The following KCNJ13 variants were observed in gnomAD, a reference collection of about 807,000 sequenced individuals.
KCNJ13 encodes potassium inwardly rectifying channel subfamily J member 13.
Under a neutral mutation model 24.6 loss-of-function variants are expected in KCNJ13, and 9 were observed. The ratio of observed to expected loss-of-function variants is 0.37; its 90% confidence interval spans 0.22 to 0.64. KCNJ13 has a LOEUF of 0.64. Ranked by LOEUF, KCNJ13 falls within the 30% of genes least tolerant of loss-of-function variation. The pLI, the probability that KCNJ13 is intolerant of heterozygous loss-of-function variation, is 0.64. For synonymous variants in KCNJ13, 148 were observed against 154.7 expected, an observed-to-expected ratio of 0.96 and a Z score of 0.32; for missense variants, 337 against 443.8, an observed-to-expected ratio of 0.76 and a Z score of 2.16.
rs1574860488 is a variant in KCNJ13, at chr2:232,770,808, A to G, written c.460+95T>C. The G allele has an allele frequency of 3.7e-6, 3 of 809,964 alleles. No homozygotes were observed. The South Asian group carries it at 4.6e-5, about 13-fold the overall frequency. The allele number at this position is 809,964 out of a possible 1,614,324, so 50.2% of individuals were successfully genotyped here. A position where few individuals can be genotyped will look rare whatever the true frequency, so the allele number is the denominator to read the frequency against. ...TATAGATAAATTATTCTGTAACAGC[A>G]TTACTTATAACTGACTATACCCTTT... On this transcript the variant is annotated intron_variant, in intron 2 of 2. Transcript: ENST00000233826.
Position 232,766,963 on chromosome 2 carries a change from G to T in KCNJ13, c.*1228C>A, listed in dbSNP as rs887271781. On this transcript the variant is annotated 3_prime_UTR_variant, in exon 3 of 3. Transcript: ENST00000233826. ...TTTTTGGTTTTTGTTTTGTTTTAAGGACAGTTTCTCTTTTTTTTATTGAAA... is the reference window on the plus strand; with the variant it reads ...TTTTTGGTTTTTGTTTTGTTTTAAGTACAGTTTCTCTTTTTTTTATTGAAA... 28 of 152,096 alleles carry T rather than the reference G, an allele frequency of 1.8e-4. No individual in the cohort carries two copies. The highest frequency in any genetic ancestry group is 6.5e-4 in the African/African-American group (27 of 41,438). 9.4% of individuals were successfully genotyped at this position (152,096 alleles called of 1,614,324 possible).
Position 232,768,029 on chromosome 2 carries a change from T to G in KCNJ13, c.*162A>C. On this transcript the variant is annotated 3_prime_UTR_variant, in exon 3 of 3. Coordinates refer to ENST00000233826, the MANE Select transcript of KCNJ13 (RefSeq NM_002242.4). Reference sequence around the variant, plus strand: ...AATGTAGAGTGTTATGTTTCCAGAATGTGTATTGTTAGCTCAGCCATTCTT... The same window carrying G: ...AATGTAGAGTGTTATGTTTCCAGAAGGTGTATTGTTAGCTCAGCCATTCTT... 1.5e-6 allele frequency: 1 copy of G among 666,926 alleles called. No homozygotes were observed. Among genetic ancestry groups the G allele is most frequent in the East Asian group, 2.7e-5 (1 of 36,946 alleles). 41.3% of individuals were successfully genotyped at this position (666,926 alleles called of 1,614,324 possible).
rs1699062703 is a variant in KCNJ13, at chr2:232,768,319, C to T, written c.955G>A (p.Asp319Asn). The T allele has an allele frequency of 1.2e-6, 2 of 1,613,982 alleles. No individual in the cohort carries two copies. The highest frequency in any genetic ancestry group is 1.7e-6 in the Non-Finnish European group (2 of 1,180,006). The change falls in exon 3 of 3, where the codon GAC becomes AAC. Residue 319 changes from aspartate to asparagine, a missense_variant. By Grantham distance (23) the Asp-to-Asn change is conservative. This residue lies in a region of KCNJ13 where 235 missense variants were observed against 286.9 expected (regional missense o/e 0.82). Transcript: ENST00000233826. ...GTTGGAAATTCAGGGACAGTCTTGT[C>T]AAAATTCTCCATCTTGATTTGATAT... ...GEYQIKMENFDKTVPEFPTPL... is the reference protein window; with the variant it reads ...GEYQIKMENFNKTVPEFPTPL...
rs2106334923 is a variant in KCNJ13, at chr2:232,768,495, T to C, written c.779A>G (p.Glu260Gly). ...AACTAATTCAAAGTGAGAAGGATTT[T>C]CATGCTGGAGCAGAGTAGCCAGAGG... is the stretch of plus-strand genomic sequence containing the variant. Reference protein sequence around the residue: ...SSPLATLLQHENPSHFELVVF... With the variant: ...SSPLATLLQHGNPSHFELVVF... The change falls in exon 3 of 3, where the codon GAA becomes GGA. Residue 260 changes from glutamate (E) to glycine (G), a missense_variant. Glu to Gly is a moderately conservative substitution (Grantham distance 98). Around this residue, in one of 3 missense-constraint regions of KCNJ13, gnomAD observed 235 missense variants for 286.9 expected, o/e 0.82. Transcript: ENST00000233826. 1.2e-6 allele frequency: 2 copies of C among 1,614,200 alleles called. No individual in the cohort carries two copies. The highest frequency in any genetic ancestry group is 1.7e-6 in the Non-Finnish European group (2 of 1,180,024).
At position 232,768,022 on chromosome 2, in the gene KCNJ13, T is replaced by A. The variant is rs1239195570; in HGVS notation, c.*169A>T. 9 of 652,542 alleles carry A rather than the reference T, an allele frequency of 1.4e-5. No homozygotes were observed. The East Asian group carries it at 2.5e-4, about 18-fold the overall frequency. The allele number at this position is 652,542 out of a possible 1,614,324, so 40.4% of individuals were successfully genotyped here. On this transcript the variant is annotated 3_prime_UTR_variant, in exon 3 of 3. Transcript: ENST00000233826. ...ACTTTGTAATGTAGAGTGTTATGTT[T>A]CCAGAATGTGTATTGTTAGCTCAGC...
chr2:232,775,634 AT>A lies in KCNJ13; in HGVS notation c.-17+810del, dbSNP rs553392307. Reference sequence around the variant, plus strand: ...CATTTATAAATTATTTGGAGGAAAAATAGTACCTATTAAAAAATGATAGGCA... The same window carrying A: ...CATTTATAAATTATTTGGAGGAAAAAAGTACCTATTAAAAAATGATAGGCA... On this transcript the variant is annotated intron_variant, in intron 1 of 2. Coordinates refer to ENST00000233826, the MANE Select transcript of KCNJ13 (RefSeq NM_002242.4). 2.7e-3 allele frequency among the ~76,000 whole-genome samples: 416 copies of A among 152,312 alleles called. 1 individual carries two copies. Among genetic ancestry groups the A allele is most frequent in the South Asian group, 0.015 (71 of 4,832 alleles).
chr2:232,768,879 G>T, intron 2 of KCNJ13, 66 bp from the exon 3 acceptor site: 1 of 1,367,912 alleles, frequency 7.3e-7, no homozygotes, highest in Non-Finnish European at 1.0e-6. Flanking sequence ...TTTTCTGAAT[G>T]ACAAGTGTAT....
chr2:232,776,189 T>C (rs1308698333), intron 1 of KCNJ13, among the ~76,000 whole-genome samples: 1 of 152,178 alleles, frequency 6.6e-6, no homozygotes, highest in Non-Finnish European at 1.5e-5. Flanking sequence ...CCTCTACTGA[T>C]ATATTGTAAT....
intron 1 of KCNJ13, among the ~76,000 whole-genome samples, chr2:232,771,777 C>T (rs899414014): frequency 6.6e-5 from 10 of 152,068 alleles, no homozygotes; most frequent in Non-Finnish European, 1.0e-4. Flanking sequence ...TATAATTATG[C>T]ATTATTCATA....
At position 232,767,405 on chromosome 2, in the gene KCNJ13, C is replaced by T. The variant is rs1699018431; in HGVS notation, c.*786G>A. On this transcript the variant is annotated 3_prime_UTR_variant, in exon 3 of 3. Coordinates refer to ENST00000233826, the MANE Select transcript of KCNJ13 (RefSeq NM_002242.4). ...GAGGGGAATGTTTTTACTTAGGTTGCTAGAAGTCATTTAGATGAATCACCG... is the reference window on the plus strand; with the variant it reads ...GAGGGGAATGTTTTTACTTAGGTTGTTAGAAGTCATTTAGATGAATCACCG... The T allele has an allele frequency of 6.6e-6, 1 of 152,322 alleles. No individual in the cohort carries two copies. The highest frequency in any genetic ancestry group is 1.5e-5 in the Non-Finnish European group (1 of 67,996). 9.4% of individuals were successfully genotyped at this position (152,322 alleles called of 1,614,324 possible). A position where few individuals can be genotyped will look rare whatever the true frequency, so the allele number is the denominator to read the frequency against.
At chr2:232,774,914 C>A (rs1424448507) in intron 1 of KCNJ13, among the ~76,000 whole-genome samples, 1 of 152,166 alleles carries the variant, frequency 6.6e-6, no homozygotes, top group East Asian at 1.9e-4. Flanking sequence ...TGGGCTTTTT[C>A]AGGACTGTTG....
Position 232,768,006 on chromosome 2 carries a change from T to C in KCNJ13, c.*185A>G, listed in dbSNP as rs1286104600. ...TTTCAGCAGGTAACAAACTTTGTAA[T>C]GTAGAGTGTTATGTTTCCAGAATGT... On this transcript the variant is annotated 3_prime_UTR_variant, in exon 3 of 3. Transcript: ENST00000233826. 4 of 610,166 alleles carry C rather than the reference T, an allele frequency of 6.6e-6. No individual in the cohort carries two copies. Among genetic ancestry groups the C allele is most frequent in the African/African-American group, 5.6e-5 (3 of 53,922 alleles). The allele number at this position is 610,166 out of a possible 1,614,324, so 37.8% of individuals were successfully genotyped here. A position where few individuals can be genotyped will look rare whatever the true frequency, so the allele number is the denominator to read the frequency against.
chr2:232,769,388 G>T (rs1026843593), intron 2 of KCNJ13, among the ~76,000 whole-genome samples: 6 of 151,834 alleles, frequency 4.0e-5, no homozygotes, highest in Admixed American at 6.6e-5. Context: ...AAAATTAGCT[G>T]GGTCTGGTGG....
At chr2:232,775,199 T>C (rs7564410) in intron 1 of KCNJ13, among the ~76,000 whole-genome samples, 15,598 of 152,154 alleles carry the variant, frequency 0.1, 1,166 homozygotes, top group African/African-American at 0.2. Context: ...TGGACTCTTA[T>C]AGTCAGTGTG....
At chr2:232,775,121 G>A (rs1699456267) in intron 1 of KCNJ13, among the ~76,000 whole-genome samples, 1 of 151,974 alleles carries the variant, frequency 6.6e-6, no homozygotes, top group African/African-American at 2.4e-5. Flanking sequence ...TTGGCAAGTG[G>A]AGTAATATAG....
chr2:232,768,001 T>C lies in KCNJ13; in HGVS notation c.*190A>G, dbSNP rs1234673703. Reference sequence around the variant, plus strand: ...ATTGATTTCAGCAGGTAACAAACTTTGTAATGTAGAGTGTTATGTTTCCAG... The same window carrying C: ...ATTGATTTCAGCAGGTAACAAACTTCGTAATGTAGAGTGTTATGTTTCCAG... On this transcript the variant is annotated 3_prime_UTR_variant, in exon 3 of 3. Coordinates refer to ENST00000233826, the MANE Select transcript of KCNJ13 (RefSeq NM_002242.4). 3.3e-6 allele frequency: 2 copies of C among 601,116 alleles called. No homozygotes were observed. The highest frequency in any genetic ancestry group is 6.0e-5 in the Admixed American group (2 of 33,502). The allele number at this position is 601,116 out of a possible 1,614,324, so 37.2% of individuals were successfully genotyped here.
At position 232,772,178 on chromosome 2, in the gene KCNJ13, C is replaced by T. The variant is rs551520108; in HGVS notation, c.-16-800G>A. 5.2e-3 allele frequency among the ~76,000 whole-genome samples: 784 copies of T among 152,196 alleles called. 4 individuals carry two copies. The highest frequency in any genetic ancestry group is 0.018 in the African/African-American group (757 of 41,524). On this transcript the variant is annotated intron_variant, in intron 1 of 2. Coordinates refer to ENST00000233826, the MANE Select transcript of KCNJ13 (RefSeq NM_002242.4). ...ATCTTCCCACTTCAGCCTTCCAAAG[C>T]GCTGGGATTACAGGGGTGAGCCACC...
chr2:232,771,114 A>G lies in KCNJ13; in HGVS notation c.249T>C (p.Gly83=). The G allele has an allele frequency of 6.2e-7, 1 of 1,614,140 alleles. No homozygotes were observed. Among genetic ancestry groups the G allele is most frequent in the East Asian group, 2.2e-5 (1 of 44,872 alleles). Residue 83 remains glycine (G), a synonymous_variant, in exon 2 of 3, where the codon GGT becomes GGC. Transcript: ENST00000233826. The stretch of plus-strand genomic sequence containing the variant: ...GGGCATCATGATCTAGTTCCAGATC[A>G]CCATTCATCTCAGCCAGAACATACC... The part of the protein sequence containing the change: ...VLWYVLAEMN[G]DLELDHDAPP...
intron 2 of KCNJ13, among the ~76,000 whole-genome samples, chr2:232,769,443 T>C (rs1699132611): frequency 6.7e-6 from 1 of 148,782 alleles, no homozygotes; most frequent in Non-Finnish European, 1.5e-5. Flanking sequence ...AGGCAGGAGA[T>C]TGCAGTGAGC....
Sources: gnomAD v4.1 joint callset for allele counts (sites outside exome capture counted in the v4.1 genomes callset) on GRCh38, gnomAD v4.1.1 for gene constraint, gnomAD v4.1.1 regional missense constraint, MANE v1.5 for transcripts, NCBI Gene and HGNC (gene_info 2026-07-23, HGNC 2026-07-21) for gene names.